Variants in CFAP47 observed in about 807,000 individuals in gnomAD.
The protein encoded by CFAP47 is cilia and flagella associated protein 47.
Under a neutral mutation model 148.1 loss-of-function variants are expected in CFAP47, and 29 were observed. That is an observed-to-expected ratio of 0.20 (90% CI 0.15 to 0.27). The LOEUF (loss-of-function observed/expected upper bound fraction) is 0.27. Ranked by LOEUF, CFAP47 falls within the 10% of genes least tolerant of loss-of-function variation. CFAP47 has a pLI of 1.00. For missense variants in CFAP47, 1,872 were observed against 1,697.5 expected (o/e 1.10, Z -1.81); for synonymous variants, 664 against 577.3 (o/e 1.15, Z -2.15).
intron 45 of CFAP47, among the ~76,000 whole-genome samples, chrX:36,218,581 G>A (rs1209871552): frequency 9.0e-6 from 1 of 111,702 alleles, no homozygotes; most frequent in African/African-American, 3.3e-5. Context: ...GAGTCTACGT[G>A]AGTTGTGGTG....
intron 45 of CFAP47, among the ~76,000 whole-genome samples, chrX:36,225,459 C>T (rs941023975): frequency 6.3e-5 from 7 of 111,237 alleles, no homozygotes; most frequent in African/African-American, 2.3e-4. Context: ...TCAACTCTTA[C>T]ATGCACTCTA....
chrX:36,303,151 A>AT (rs1941314202), intron 53 of CFAP47, among the ~76,000 whole-genome samples: 2 of 111,565 alleles, frequency 1.8e-5, no homozygotes, highest in South Asian at 7.5e-4. Context: ...GTAAGGGATA[A>AT]TTCCTTGCCT....
At chrX:36,051,074 G>A (rs1937518658) in intron 26 of CFAP47, among the ~76,000 whole-genome samples, 1 of 112,129 alleles carries the variant, frequency 8.9e-6, no homozygotes, top group South Asian at 3.7e-4. Flanking sequence ...GGATGTCCAG[G>A]CAGCAGTTTG....
In CFAP47 at chrX:36,071,826, T is replaced by G; in HGVS notation, c.4320T>G (p.Asp1440Glu). ...LDKQNIILKN[D>E]KDEYLKKTRD... is the part of the protein sequence containing the mutation. ...TGTGATCCAATGTGTCATTTGTAGA[T>G]AAGGATGAATATCTTAAGAAGACTA... Residue 1440 changes from aspartate (D) to glutamate (E), a missense_variant and splice_region_variant, in exon 28 of 64, where the codon GAT (aspartate) becomes GAG (glutamate). By Grantham distance (45) the Asp-to-Glu change is conservative. Transcript: ENST00000378653. The G allele has an allele frequency of 4.2e-6, 5 of 1,203,293 alleles. No homozygotes were observed. The highest frequency in any genetic ancestry group is 5.6e-6 in the Non-Finnish European group (5 of 891,606).
chrX:36,033,297 G>A (rs1221402422), intron 23 of CFAP47, among the ~76,000 whole-genome samples: 1 of 111,483 alleles, frequency 9.0e-6, no homozygotes, highest in Non-Finnish European at 1.9e-5. Context: ...GGAATTTGGT[G>A]GGACAACTGC....
intron 39 of CFAP47, among the ~76,000 whole-genome samples, chrX:36,172,988 G>A (rs1218729476): frequency 1.8e-5 from 2 of 110,832 alleles, no homozygotes; most frequent in East Asian, 5.7e-4. Context: ...CCTGTTATTG[G>A]TCTATTCAGA....
chrX:36,375,704 T>A (rs782071760), intron 62 of CFAP47, among the ~76,000 whole-genome samples: 1 of 112,513 alleles, frequency 8.9e-6, no homozygotes, highest in East Asian at 2.8e-4. Context: ...TTAAAGCAGT[T>A]ATCTTCGCCA....
chrX:36,330,210 A>G (rs139325899), intron 57 of CFAP47, among the ~76,000 whole-genome samples: 1,261 of 107,434 alleles, frequency 0.012, 10 homozygotes, highest in African/African-American at 0.035. Context: ...AACTAGAACC[A>G]TGATAAATTA....
chrX:36,371,914 GTATATA>G (rs1437658104), intron 62 of CFAP47, among the ~76,000 whole-genome samples: 3 of 68,597 alleles, frequency 4.4e-5, no homozygotes, highest in African/African-American at 3.2e-4. Context: ...ATATATGTGT[GTATATA>G]TGTGTATATA....
intron 30 of CFAP47, among the ~76,000 whole-genome samples, chrX:36,095,699 G>T (rs1263430714): frequency 9.0e-6 from 1 of 111,179 alleles, no homozygotes; most frequent in Non-Finnish European, 1.9e-5. Context: ...TTGAATTTCT[G>T]CAGTATCAGT....
At chrX:36,327,586 G>A (rs782197103) in intron 57 of CFAP47, among the ~76,000 whole-genome samples, 8 of 111,415 alleles carry the variant, frequency 7.2e-5, no homozygotes, top group Non-Finnish European at 1.1e-4. Context: ...AAAACAGAGC[G>A]TCCATTTGAC....
At chrX:36,003,841 C>T (rs905075981) in intron 21 of CFAP47, among the ~76,000 whole-genome samples, 6 of 109,925 alleles carry the variant, frequency 5.5e-5, no homozygotes, top group Non-Finnish European at 1.1e-4. Flanking sequence ...TGTTTTCAGA[C>T]GACATGATTC....
At chrX:35,945,726 CTACAT>C (rs1260184120) in intron 3 of CFAP47, among the ~76,000 whole-genome samples, 1 of 111,307 alleles carries the variant, frequency 9.0e-6, no homozygotes, top group African/African-American at 3.3e-5. Flanking sequence ...TGCTGAATAA[CTACAT>C]TAACCTAAAT....
chrX:35,942,028 CTG>C (rs59083788), intron 3 of CFAP47, among the ~76,000 whole-genome samples: 12,282 of 103,547 alleles, frequency 0.12, 1,868 homozygotes, highest in African/African-American at 0.4. Flanking sequence ...GTGTGTGTGT[CTG>C]TGTGTGTGTG....
intron 26 of CFAP47, among the ~76,000 whole-genome samples, chrX:36,060,909 A>G (rs1473804408): frequency 8.9e-6 from 1 of 111,787 alleles, no homozygotes; most frequent in African/African-American, 3.2e-5. Flanking sequence ...TGACAATCAC[A>G]TTATAATAAA....
intron 3 of CFAP47, among the ~76,000 whole-genome samples, chrX:35,946,447 T>G (rs1249436614): frequency 1.8e-5 from 2 of 111,758 alleles, no homozygotes; most frequent in Non-Finnish European, 3.8e-5. Flanking sequence ...ACTGACTCAG[T>G]CCTAACTAAA....
chrX:36,385,296 A>G lies in CFAP47; in HGVS notation c.*290A>G. On this transcript the variant is annotated 3_prime_UTR_variant, in exon 64 of 64. Coordinates refer to ENST00000378653, the MANE Select transcript of CFAP47 (RefSeq NM_001304548.2). ...AGTATTTCCAATAACAGCGTTGCTA[A>G]TAAAGCTAAATGTCTCATGTAGATA... 1 of 229,286 alleles carries G rather than the reference A, an allele frequency of 4.4e-6. No individual in the cohort carries two copies. Among genetic ancestry groups the G allele is most frequent in the East Asian group, 9.8e-5 (1 of 10,202 alleles). The allele number at this position is 229,286 out of a possible 1,213,427, so 18.9% of individuals were successfully genotyped here. A position where few individuals can be genotyped will look rare whatever the true frequency, so the allele number is the denominator to read the frequency against.
At chrX:36,144,951 G>A (rs956389569) in intron 35 of CFAP47, 1 of 727,109 alleles carries the variant, frequency 1.4e-6, no homozygotes, top group Non-Finnish European at 1.9e-6. Flanking sequence ...CATGCTTCTG[G>A]CTTCCCTGGG....
At chrX:36,195,026 C>T (rs1939905210) in intron 42 of CFAP47, among the ~76,000 whole-genome samples, 1 of 112,709 alleles carries the variant, frequency 8.9e-6, no homozygotes, top group Non-Finnish European at 1.9e-5. Flanking sequence ...TAGAAAAATG[C>T]ATCTCTTACT....
Sources: allele counts gnomAD v4.1 joint callset (sites outside exome capture counted in the v4.1 genomes callset), GRCh38; gene constraint gnomAD v4.1.1; transcripts MANE v1.5; gene names NCBI Gene and HGNC (gene_info 2026-07-23, HGNC 2026-07-21).